The following VPS26B variants were observed in gnomAD, a reference collection of about 807,000 sequenced individuals.
VPS26B encodes VPS26 retromer complex component B.
Under a neutral mutation model 33.3 loss-of-function variants are expected in VPS26B, and 10 were observed. That is an observed-to-expected ratio of 0.30 (90% CI 0.19 to 0.51). VPS26B has a LOEUF of 0.51. VPS26B is among the 20% of genes least tolerant of loss of function. VPS26B has a pLI of 0.98. For synonymous variants in VPS26B, 190 were observed against 176.9 expected (o/e 1.07, Z -0.59); for missense variants, 317 against 452.7 (o/e 0.70, Z 2.72).
At chr11:134,230,910 CAT>C (rs1202871449) in intron 1 of VPS26B, among the ~76,000 whole-genome samples, 1 of 152,188 alleles carries the variant, frequency 6.6e-6, no homozygotes, top group Non-Finnish European at 1.5e-5. Context: ...AATGCCAACA[CAT>C]GTGGTGAGGG....
intron 1 of VPS26B, among the ~76,000 whole-genome samples, chr11:134,234,642 C>T (rs192200211): frequency 2.4e-4 from 36 of 152,134 alleles, no homozygotes; most frequent in Admixed American, 2.2e-3. Flanking sequence ...AGATGGTGTC[C>T]GAGTGTCTTG....
At chr11:134,226,270 G>T (rs527255273) in intron 1 of VPS26B, among the ~76,000 whole-genome samples, 1 of 152,140 alleles carries the variant, frequency 6.6e-6, no homozygotes, top group Non-Finnish European at 1.5e-5. Flanking sequence ...GCTGGTCGTG[G>T]TGGTGCTTGC....
chr11:134,233,184 A>G (rs80048702), intron 1 of VPS26B, among the ~76,000 whole-genome samples: 255 of 152,262 alleles, frequency 1.7e-3, no homozygotes, highest in African/African-American at 5.9e-3. Flanking sequence ...CAGCCACACA[A>G]TACACTGTGA....
chr11:134,233,462 G>T (rs1277106107), intron 1 of VPS26B, among the ~76,000 whole-genome samples: 1 of 152,204 alleles, frequency 6.6e-6, no homozygotes, highest in African/African-American at 2.4e-5. Context: ...GGTGGCTCGC[G>T]CCTGTAATCC....
Position 134,243,302 on chromosome 11 carries a change from T to C in VPS26B, c.721+8T>C. 6.2e-7 allele frequency: 1 copy of C among 1,613,594 alleles called. No individual in the cohort carries two copies. Among genetic ancestry groups the C allele is most frequent in the Non-Finnish European group, 8.5e-7 (1 of 1,179,610 alleles). ...ACGGGGCACCAGTGCGAGGTGAGACTCCAGGCCCAGGCCTCGGCTACCACA... is the reference window on the plus strand; with the variant it reads ...ACGGGGCACCAGTGCGAGGTGAGACCCCAGGCCCAGGCCTCGGCTACCACA... On this transcript the variant is annotated splice_region_variant and intron_variant, in intron 4 of 5. Coordinates refer to ENST00000281187, the MANE Select transcript of VPS26B (RefSeq NM_052875.5).
At chr11:134,225,389 G>A (rs1938431971) in intron 1 of VPS26B, 44 bp downstream of exon 1, 1 of 1,599,954 alleles carries the variant, frequency 6.3e-7, no homozygotes. Context: ...CCGACAGCCG[G>A]CCGGGGAGCA....
intron 3 of VPS26B, among the ~76,000 whole-genome samples, chr11:134,241,994 A>G (rs2136052939): frequency 6.6e-6 from 1 of 152,314 alleles, no homozygotes; most frequent in Non-Finnish European, 1.5e-5. Flanking sequence ...CTTTTCTTCC[A>G]TCCACAAGCA....
chr11:134,245,486 A>C lies in VPS26B; in HGVS notation c.907A>C (p.Met303Leu), dbSNP rs752838639. ...WRKGDIVRKS[M>L]SHQAAIASQR... ...GAAGGGTGACATCGTACGGAAGAGC[A>C]TGTCCCACCAGGCGGCCATCGCCTC... The change falls in exon 6 of 6, where the codon ATG (methionine) becomes CTG (leucine). Residue 303 changes from methionine to leucine, a missense_variant. Coordinates refer to ENST00000281187, the MANE Select transcript of VPS26B (RefSeq NM_052875.5). This position sits in a 1 kb window ranked among gnomAD's most constrained non-coding sequence, Gnocchi z 4.7. 3.1e-6 allele frequency: 5 copies of C among 1,613,966 alleles called. 1 individual carries two copies. In the South Asian group the frequency reaches 5.5e-5, roughly 18 times the overall value.
rs1938793145 is a variant in VPS26B, at chr11:134,245,331, A to C, written c.865-113A>C. On this transcript the variant is annotated intron_variant, in intron 5 of 5. Coordinates refer to ENST00000281187, the MANE Select transcript of VPS26B (RefSeq NM_052875.5). This position sits in a 1 kb window ranked among gnomAD's most constrained non-coding sequence, Gnocchi z 4.7. ...GCAGCTGCTGCCTTTGGTGAGAGAGAAGCAGAGGAGGTCCTTGCCCGAGAT... is the reference window on the plus strand; with the variant it reads ...GCAGCTGCTGCCTTTGGTGAGAGAGCAGCAGAGGAGGTCCTTGCCCGAGAT... 1 of 1,479,764 alleles carries C rather than the reference A, an allele frequency of 6.8e-7. No individual in the cohort carries two copies. Among genetic ancestry groups the C allele is most frequent in the African/African-American group, 1.4e-5 (1 of 72,188 alleles). The allele number at this position is 1,479,764 out of a possible 1,614,324, so 91.7% of individuals were successfully genotyped here. A position where few individuals can be genotyped will look rare whatever the true frequency, so the allele number is the denominator to read the frequency against.
At position 134,246,627 on chromosome 11, in the gene VPS26B, A is replaced by G. The variant is rs1591488870; in HGVS notation, c.*1037A>G. Reference sequence around the variant, plus strand: ...TCTCCCTATAGGTTACACAGGGGAGACCAGGGCCTCGGCAGAAGACTGCTG... The same window carrying G: ...TCTCCCTATAGGTTACACAGGGGAGGCCAGGGCCTCGGCAGAAGACTGCTG... On this transcript the variant is annotated 3_prime_UTR_variant, in exon 6 of 6. Coordinates refer to ENST00000281187, the MANE Select transcript of VPS26B (RefSeq NM_052875.5). The G allele has an allele frequency of 6.6e-6, 1 of 152,266 alleles. No homozygotes were observed. The highest frequency in any genetic ancestry group is 2.4e-5 in the African/African-American group (1 of 41,316). The allele number at this position is 152,266 out of a possible 1,614,324, so 9.4% of individuals were successfully genotyped here. A position where few individuals can be genotyped will look rare whatever the true frequency, so the allele number is the denominator to read the frequency against.
At chr11:134,229,901 C>T (rs990819522) in intron 1 of VPS26B, among the ~76,000 whole-genome samples, 10 of 152,202 alleles carry the variant, frequency 6.6e-5, no homozygotes, top group African/African-American at 9.6e-5. Flanking sequence ...TTTCCAGCCT[C>T]GTCTCCCCTA....
In VPS26B at chr11:134,224,832, C is replaced by T. The variant is rs540769928; in HGVS notation, c.-291C>T. ...CGGCCGACCCTCGCCCGCCCACTGC[C>T]ACCGGCCGCGGGACTGGCTGGGACT... On this transcript the variant is annotated 5_prime_UTR_variant, in exon 1 of 6. Transcript: ENST00000281187. The T allele has an allele frequency of 1.8e-4, 29 of 158,262 alleles. No individual in the cohort carries two copies. In the East Asian group the frequency reaches 4.7e-3, roughly 26 times the overall value. 9.8% of individuals were successfully genotyped at this position (158,262 alleles called of 1,614,324 possible). A position where few individuals can be genotyped will look rare whatever the true frequency, so the allele number is the denominator to read the frequency against.
In VPS26B at chr11:134,225,635, C is replaced by T. The variant is rs1194210197; in HGVS notation, c.223+290C>T. On this transcript the variant is annotated intron_variant, in intron 1 of 5. Transcript: ENST00000281187. ...CTTGCCTATGGGTTCTCCCCATTGTCTCCGGCATGCACTCGGCTTTGCTTC... is the reference window on the plus strand; with the variant it reads ...CTTGCCTATGGGTTCTCCCCATTGTTTCCGGCATGCACTCGGCTTTGCTTC... Among the ~76,000 whole-genome samples, 4 of 152,244 alleles carry T rather than the reference C, an allele frequency of 2.6e-5. No individual in the cohort carries two copies. The East Asian group carries it at 7.7e-4, about 29-fold the overall frequency.
chr11:134,230,181 A>C (rs1456573895), intron 1 of VPS26B, among the ~76,000 whole-genome samples: 1 of 152,114 alleles, frequency 6.6e-6, no homozygotes, highest in Admixed American at 6.5e-5. Flanking sequence ...TTTTTTAAAA[A>C]ACTTGTCTGT....
intron 2 of VPS26B, among the ~76,000 whole-genome samples, chr11:134,236,135 C>A (rs1938628626): frequency 1.3e-5 from 2 of 151,904 alleles, no homozygotes; most frequent in Admixed American, 1.3e-4. Flanking sequence ...CATATTGAGA[C>A]CCTATCTCTA....
intron 4 of VPS26B, chr11:134,243,967 G>C (rs1276158214): frequency 6.6e-6 from 1 of 152,200 alleles, no homozygotes; most frequent in Non-Finnish European, 1.5e-5. Context: ...TCATTTTGAA[G>C]TGCATGGTGC....
intron 1 of VPS26B, among the ~76,000 whole-genome samples, chr11:134,225,720 G>C (rs955136674): frequency 2.0e-5 from 3 of 152,176 alleles, no homozygotes; most frequent in East Asian, 1.9e-4. Context: ...GGTTTGTTAG[G>C]GGGAGACCGC....
At chr11:134,243,504 C>A (rs1418958955) in intron 4 of VPS26B, 20 of 587,338 alleles carry the variant, frequency 3.4e-5, no homozygotes, top group Non-Finnish European at 5.8e-5. Context: ...CATCTTCACC[C>A]TGAAAAGTTG....
rs1938808809 is a variant in VPS26B at position 134,245,900 on chromosome 11, G to C, written c.*310G>C. On this transcript the variant is annotated 3_prime_UTR_variant, in exon 6 of 6. Transcript: ENST00000281187. The surrounding 1 kb of genome is among the most constrained non-coding windows in gnomAD (Gnocchi z 4.7). Reference sequence around the variant, plus strand: ...CTTGCGTCTTAGAGGAGGGAGAGCAGAGAGCACGCATCCTTGGCTCCTGGC... The same window carrying C: ...CTTGCGTCTTAGAGGAGGGAGAGCACAGAGCACGCATCCTTGGCTCCTGGC... 2.9e-6 allele frequency: 1 copy of C among 344,454 alleles called. No individual in the cohort carries two copies. The highest frequency in any genetic ancestry group is 5.5e-6 in the Non-Finnish European group (1 of 182,516). 21.3% of individuals were successfully genotyped at this position (344,454 alleles called of 1,614,324 possible).
Sources: allele counts gnomAD v4.1 joint callset (sites outside exome capture counted in the v4.1 genomes callset), GRCh38; gene constraint gnomAD v4.1.1; non-coding constraint Gnocchi (gnomAD v3.1); transcripts MANE v1.5; gene names NCBI Gene and HGNC (gene_info 2026-07-23, HGNC 2026-07-21).